Variants in FRMD4A observed in about 807,000 individuals in gnomAD.
The protein encoded by FRMD4A is FERM domain containing 4A, also known as FERM domain-containing protein 4A.
Under a neutral mutation model 129.1 loss-of-function variants are expected in FRMD4A, and 29 were observed. The observed-to-expected ratio is 0.22, with a 90% CI of 0.17 to 0.31. FRMD4A has a LOEUF of 0.31. FRMD4A is among the 10% of genes least tolerant of loss of function. FRMD4A has a pLI of 1.00. For synonymous variants in FRMD4A, 634 were observed against 571.6 expected (o/e 1.11, Z -1.56); for missense variants, 1,272 against 1,375.8 (o/e 0.92, Z 1.19).
At chr10:13,673,444 A>G (rs1564575422) in intron 16 of FRMD4A, among the ~76,000 whole-genome samples, 2 of 152,092 alleles carry the variant, frequency 1.3e-5, no homozygotes, top group East Asian at 3.8e-4. Context: ...TTACTTTGGG[A>G]ACCTCTTTTG....
intron 6 of FRMD4A, among the ~76,000 whole-genome samples, chr10:13,777,337 T>C (rs1042539117): frequency 1.3e-5 from 2 of 152,252 alleles, no homozygotes; most frequent in Non-Finnish European, 2.9e-5. Flanking sequence ...TATCATAGTA[T>C]ATATAAAAAA....
chr10:14,218,733 A>G (rs768807458), intron 2 of FRMD4A, among the ~76,000 whole-genome samples: 3 of 152,050 alleles, frequency 2.0e-5, no homozygotes, highest in African/African-American at 4.8e-5. Flanking sequence ...AAACCATATC[A>G]TTCTGTCTCT....
At chr10:14,322,410 T>C (rs1386266217) in intron 2 of FRMD4A, among the ~76,000 whole-genome samples, 1 of 152,146 alleles carries the variant, frequency 6.6e-6, no homozygotes, top group Non-Finnish European at 1.5e-5. Context: ...TTCACATACC[T>C]GTGGAACAAG....
chr10:14,207,620 A>G (rs960098739), intron 2 of FRMD4A, among the ~76,000 whole-genome samples: 3 of 151,904 alleles, frequency 2.0e-5, no homozygotes, highest in African/African-American at 4.8e-5. Flanking sequence ...ACACCTCATC[A>G]ATTGCTTAGC....
chr10:13,889,903 C>T (rs1284020240), intron 2 of FRMD4A, among the ~76,000 whole-genome samples: 2 of 152,334 alleles, frequency 1.3e-5, no homozygotes, highest in Middle Eastern at 3.4e-3. Flanking sequence ...CCAAATATTG[C>T]CTCCAATTAA....
intron 2 of FRMD4A, among the ~76,000 whole-genome samples, chr10:14,105,314 C>G (rs1230661536): frequency 6.6e-6 from 1 of 152,022 alleles, no homozygotes; most frequent in African/African-American, 2.4e-5. Flanking sequence ...GCCTGTAATC[C>G]CAGCACTTTG....
chr10:13,955,112 C>CTTTTTTTTTTTTTTTTTTTTTTTTTTT (rs71388139), intron 2 of FRMD4A, among the ~76,000 whole-genome samples: 1 of 102,958 alleles, frequency 9.7e-6, no homozygotes, highest in Non-Finnish European at 1.8e-5. Context: ...AATAATTCTG[C>CTTTTTTTTTTTTTTTTTTTTTTTTTTT]TTTTTTTTTT....
chr10:14,036,166 G>T (rs1460806344), intron 2 of FRMD4A, among the ~76,000 whole-genome samples: 1 of 152,192 alleles, frequency 6.6e-6, no homozygotes, highest in African/African-American at 2.4e-5. Context: ...TGAAGCCCAG[G>T]CGATCATTCC....
chr10:13,707,672 C>T (rs1319941440), intron 12 of FRMD4A: 5 of 985,668 alleles, frequency 5.1e-6, no homozygotes, highest in South Asian at 4.7e-5. Context: ...TTGCAAAGGG[C>T]GGAGGAGGCT....
At chr10:14,112,079 G>C (rs1412114425) in intron 2 of FRMD4A, among the ~76,000 whole-genome samples, 1 of 152,062 alleles carries the variant, frequency 6.6e-6, no homozygotes, top group Non-Finnish European at 1.5e-5. Flanking sequence ...GGAATAGAGT[G>C]AGCAAATGCT....
intron 2 of FRMD4A, among the ~76,000 whole-genome samples, chr10:14,045,737 T>C (rs1187435305): frequency 6.9e-6 from 1 of 145,934 alleles, no homozygotes; most frequent in Non-Finnish European, 1.5e-5. Flanking sequence ...GATATAATTG[T>C]CTACCAGACA....
chr10:14,001,967 A>G (rs1421172089), intron 2 of FRMD4A, among the ~76,000 whole-genome samples: 1 of 152,238 alleles, frequency 6.6e-6, no homozygotes, highest in Non-Finnish European at 1.5e-5. Flanking sequence ...ACTCAACGAT[A>G]GAGACTCTGT....
At chr10:14,124,371 T>C (rs374904214) in intron 2 of FRMD4A, among the ~76,000 whole-genome samples, 50 of 152,290 alleles carry the variant, frequency 3.3e-4, no homozygotes, top group African/African-American at 1.2e-3. Context: ...ATAAGCAAAC[T>C]GAAGCTCAGA....
intron 15 of FRMD4A, among the ~76,000 whole-genome samples, chr10:13,681,093 T>A (rs2084538476): frequency 6.6e-6 from 1 of 152,216 alleles, no homozygotes; most frequent in South Asian, 2.1e-4. Flanking sequence ...CTTACTCGGA[T>A]AGTTCCCTCG....
Position 13,797,484 on chromosome 10 carries a change from C to T in FRMD4A, c.207-896G>A, listed in dbSNP as rs551078845. On this transcript the variant is annotated intron_variant, in intron 4 of 24. Coordinates refer to ENST00000357447, the MANE Select transcript of FRMD4A (RefSeq NM_018027.5). ...GCCCCGGGGTGAGGGAGGACCCCAG[C>T]GTCTTAGTGTCCTGTGAGTGGAAAG... 1.6e-4 allele frequency among the ~76,000 whole-genome samples: 24 copies of T among 152,200 alleles called. No homozygotes were observed. The South Asian group carries it at 2.1e-3, about 13-fold the overall frequency.
intron 2 of FRMD4A, among the ~76,000 whole-genome samples, chr10:14,222,801 G>A (rs1327347956): frequency 1.3e-5 from 2 of 152,158 alleles, no homozygotes; most frequent in Admixed American, 1.3e-4. Flanking sequence ...GGCTCTGTAG[G>A]CCAGGTGCGG....
chr10:14,113,436 AC>A (rs759693745), intron 2 of FRMD4A, among the ~76,000 whole-genome samples: 3 of 152,186 alleles, frequency 2.0e-5, no homozygotes, highest in Non-Finnish European at 2.9e-5. Context: ...TCTCTAGCTT[AC>A]TTTATTGTGA....
chr10:13,678,325 G>A (rs147314595), intron 15 of FRMD4A, among the ~76,000 whole-genome samples: 8 of 152,340 alleles, frequency 5.3e-5, no homozygotes, highest in African/African-American at 1.9e-4. Context: ...CGAAGATGGT[G>A]TCTGGGTACC....
At chr10:14,022,778 A>G (rs1832817958) in intron 2 of FRMD4A, among the ~76,000 whole-genome samples, 1 of 152,154 alleles carries the variant, frequency 6.6e-6, no homozygotes, top group South Asian at 2.1e-4. Flanking sequence ...GTCTGACCCC[A>G]TTCTCTTTCA....
Sources: gnomAD v4.1 joint callset for allele counts (sites outside exome capture counted in the v4.1 genomes callset) on GRCh38, gnomAD v4.1.1 for gene constraint, MANE v1.5 for transcripts, NCBI Gene and HGNC (gene_info 2026-07-23, HGNC 2026-07-21) for gene names.